The following RFX3 variants were observed in gnomAD, a reference collection of about 807,000 sequenced individuals.
RFX3 encodes the protein regulatory factor X3.
In RFX3, 14 loss-of-function variants were observed where a neutral mutation model predicts 98.6. That is an observed-to-expected ratio of 0.14 (90% CI 0.09 to 0.22). The LOEUF (loss-of-function observed/expected upper bound fraction) is 0.22, where lower values mean the gene tolerates loss of function less well. RFX3 is among the 10% of genes least tolerant of loss of function. RFX3 has a pLI of 1.00. For missense variants in RFX3, 639 were observed against 926.9 expected, an observed-to-expected ratio of 0.69 and a Z score of 4.03; for synonymous variants, 383 against 328.4, an observed-to-expected ratio of 1.17 and a Z score of -1.80.
chr9:3,391,818 A>G (rs1840342091), intron 2 of RFX3, among the ~76,000 whole-genome samples: 1 of 152,160 alleles, frequency 6.6e-6, no homozygotes, highest in African/African-American at 2.4e-5. Flanking sequence ...CCCTCTACCA[A>G]CCCCTACGCA....
chr9:3,292,061 C>CAAAAAAAAAAAAAAAAAAAA (rs58788880), intron 6 of RFX3, among the ~76,000 whole-genome samples: 7 of 23,946 alleles, frequency 2.9e-4, no homozygotes, highest in Admixed American at 8.7e-4. Flanking sequence ...GACTCCATCT[C>CAAAAAAAAAAAAAAAAAAAA]AAAAAAAAAA....
intron 11 of RFX3, among the ~76,000 whole-genome samples, chr9:3,270,102 G>GAAAGAAAT (rs1824211811): frequency 1.8e-4 from 3 of 16,598 alleles, no homozygotes; most frequent in African/African-American, 2.4e-4. Flanking sequence ...AAGAAAGAAA[G>GAAAGAAAT]AAAGAAAGAA....
At chr9:3,514,773 A>G (rs1453562036) in intron 1 of RFX3, among the ~76,000 whole-genome samples, 1 of 152,184 alleles carries the variant, frequency 6.6e-6, no homozygotes, top group African/African-American at 2.4e-5. Flanking sequence ...GACACATGCA[A>G]TATAATCATT....
chr9:3,344,664 C>T, intron 3 of RFX3: 1 of 583,008 alleles, frequency 1.7e-6, no homozygotes, highest in South Asian at 2.2e-5. Context: ...CTCCCATTCT[C>T]ACATTCCCCT....
chr9:3,475,666 T>C (rs1403483289), intron 1 of RFX3, among the ~76,000 whole-genome samples: 1 of 152,234 alleles, frequency 6.6e-6, no homozygotes, highest in East Asian at 1.9e-4. Flanking sequence ...CTAATTTTGC[T>C]ACTGCTGCCT....
intron 2 of RFX3, among the ~76,000 whole-genome samples, chr9:3,376,921 G>C (rs969978198): frequency 1.3e-5 from 2 of 152,044 alleles, no homozygotes; most frequent in Non-Finnish European, 1.5e-5. Flanking sequence ...TTAGAATGGC[G>C]ATCATTAAAA....
At chr9:3,318,430 G>A (rs1364875396) in intron 4 of RFX3, among the ~76,000 whole-genome samples, 1 of 151,732 alleles carries the variant, frequency 6.6e-6, no homozygotes, top group Admixed American at 6.6e-5. Flanking sequence ...TAAATGACGA[G>A]TTAACGGGTG....
chr9:3,326,005 C>A (rs558507017), intron 4 of RFX3, among the ~76,000 whole-genome samples: 1 of 152,048 alleles, frequency 6.6e-6, no homozygotes, highest in Non-Finnish European at 1.5e-5. Flanking sequence ...ATAAACAGAT[C>A]CCTAACATAT....
intron 1 of RFX3, among the ~76,000 whole-genome samples, chr9:3,400,629 A>G (rs1332335810): frequency 6.6e-6 from 1 of 152,206 alleles, no homozygotes; most frequent in African/African-American, 2.4e-5. Flanking sequence ...TACTATCTTC[A>G]GCCTTGACAG....
intron 1 of RFX3, among the ~76,000 whole-genome samples, chr9:3,474,027 G>C (rs2133256085): frequency 6.6e-6 from 1 of 152,300 alleles, no homozygotes; most frequent in African/African-American, 2.4e-5. Flanking sequence ...TAGGTCTGGA[G>C]TAAAACCAAA....
chr9:3,318,302 C>T (rs1469354397), intron 4 of RFX3, among the ~76,000 whole-genome samples: 2 of 152,084 alleles, frequency 1.3e-5, no homozygotes, highest in Admixed American at 1.3e-4. Context: ...TGTTCTCACT[C>T]ATAGGTGGGA....
chr9:3,313,316 A>T (rs1189083732), intron 4 of RFX3, among the ~76,000 whole-genome samples: 7 of 152,204 alleles, frequency 4.6e-5, no homozygotes, highest in African/African-American at 1.7e-4. Flanking sequence ...GACTGTTAGA[A>T]GGAAAACTAA....
chr9:3,393,403 G>A (rs1264787731), intron 2 of RFX3, among the ~76,000 whole-genome samples: 1 of 151,868 alleles, frequency 6.6e-6, no homozygotes, highest in African/African-American at 2.4e-5. Context: ...TTTTTTTCAT[G>A]TTTACAGAAG....
intron 3 of RFX3, among the ~76,000 whole-genome samples, chr9:3,345,872 G>C (rs1307896072): frequency 6.6e-6 from 1 of 152,168 alleles, no homozygotes; most frequent in African/African-American, 2.4e-5. Context: ...CTCAAGGAAA[G>C]AGTAGATGTA....
chr9:3,345,163 G>T (rs1834318875), intron 3 of RFX3, among the ~76,000 whole-genome samples: 1 of 152,054 alleles, frequency 6.6e-6, no homozygotes, highest in Non-Finnish European at 1.5e-5. Flanking sequence ...GGAGAGTCAG[G>T]GTCCATGTCA....
At chr9:3,422,492 A>C (rs1377710556) in intron 1 of RFX3, among the ~76,000 whole-genome samples, 1 of 152,218 alleles carries the variant, frequency 6.6e-6, no homozygotes, top group African/African-American at 2.4e-5. Context: ...TGTTAGACAA[A>C]GCAAAGGAGA....
chr9:3,324,501 C>T (rs775845500), intron 4 of RFX3, among the ~76,000 whole-genome samples: 16 of 148,948 alleles, frequency 1.1e-4, no homozygotes, highest in African/African-American at 3.5e-4. Context: ...GGGAGTTCTT[C>T]GTGTGCTAAT....
At chr9:3,408,573 T>TA (rs2132128423) in intron 1 of RFX3, among the ~76,000 whole-genome samples, 1 of 151,918 alleles carries the variant, frequency 6.6e-6, no homozygotes, top group South Asian at 2.1e-4. Flanking sequence ...GTCTGTGCTG[T>TA]AAGAGTTATC....
intron 15 of RFX3, among the ~76,000 whole-genome samples, chr9:3,239,264 A>G (rs1819594683): frequency 6.6e-6 from 1 of 152,262 alleles, no homozygotes; most frequent in Non-Finnish European, 1.5e-5. Context: ...AAGGATTAAC[A>G]ACATTCCATT....
Sources: gnomAD v4.1 joint callset for allele counts (sites outside exome capture counted in the v4.1 genomes callset) on GRCh38, gnomAD v4.1.1 for gene constraint, MANE v1.5 for transcripts, NCBI Gene and HGNC (gene_info 2026-07-23, HGNC 2026-07-21) for gene names.